The following TSBP1 variants were observed in gnomAD, a reference collection of about 807,000 sequenced individuals.
The protein encoded by TSBP1 is testis-expressed basic protein 1.
TSBP1 carries 56 observed loss-of-function variants against 68.8 expected under a neutral mutation model. That is an observed-to-expected ratio of 0.81 (90% CI 0.66 to 1.02). TSBP1 has a LOEUF of 1.02. Among genes scored for constraint, TSBP1 ranks in the 50% least tolerant of loss-of-function variants. TSBP1 has a pLI of 0.00. For missense variants in TSBP1, 502 were observed against 641.2 expected, an observed-to-expected ratio of 0.78 and a Z score of 2.34; for synonymous variants, 171 against 208.7, an observed-to-expected ratio of 0.82 and a Z score of 1.56.
rs923761998 is a variant in TSBP1 at position 32,292,847 on chromosome 6, C to T, written c.*134G>A. On this transcript the variant is annotated 3_prime_UTR_variant, in exon 23 of 23. Transcript: ENST00000612031. This position sits in a 1 kb window ranked among gnomAD's most constrained non-coding sequence, Gnocchi z 4.1. The stretch of plus-strand genomic sequence containing the variant: ...TAAAAAGGGTGAAACTTCTGAAGAG[C>T]AGAAACTGTGATATGAAGATGAAAG... The T allele has an allele frequency of 3.0e-5, 19 of 627,806 alleles. No homozygotes were observed. The African/African-American group carries it at 3.3e-4, about 11-fold the overall frequency. 38.9% of individuals were successfully genotyped at this position (627,806 alleles called of 1,614,324 possible). A position where few individuals can be genotyped will look rare whatever the true frequency, so the allele number is the denominator to read the frequency against.
intron 18 of TSBP1, among the ~76,000 whole-genome samples, 198 bp downstream of exon 20, chr6:32,322,288 T>A (rs190626076): frequency 5.3e-4 from 81 of 152,312 alleles, no homozygotes; most frequent in African/African-American, 1.8e-3. Flanking sequence ...ATGTGTTACC[T>A]TGGAAGCTGA....
intron 22 of TSBP1, 131 bp from the exon 26 acceptor site, chr6:32,294,166 A>G (rs781060559): frequency 1.1e-6 from 1 of 946,868 alleles, no homozygotes; most frequent in South Asian, 1.4e-5. Flanking sequence ...ATCTCAAGTT[A>G]TCTAAAATGA....
intron 9 of TSBP1, among the ~76,000 whole-genome samples, chr6:32,342,050 CT>C (rs10689236): frequency 1.3e-3 from 152 of 120,276 alleles, no homozygotes; most frequent in African/African-American, 2.5e-3. Context: ...AAAATGTGTT[CT>C]TTTTTTTTTT....
intron 16 of TSBP1, among the ~76,000 whole-genome samples, chr6:32,327,654 C>CTTTTTTTTTCTTTCTTTCTTT (rs1768378185): frequency 1.4e-5 from 2 of 146,986 alleles, no homozygotes; most frequent in Admixed American, 1.4e-4. Context: ...TTTTCTTTTT[C>CTTTTTTTTTCTTTCTTTCTTT]TTTTTTTTTT....
intron 19 of TSBP1, among the ~76,000 whole-genome samples, chr6:32,303,916 T>A (rs1017057643): frequency 6.6e-6 from 1 of 152,198 alleles, no homozygotes; most frequent in Non-Finnish European, 1.5e-5. Context: ...TATTTCTACC[T>A]TTTATCTTTT....
chr6:32,320,245 A>G (rs1422240940), intron 18 of TSBP1: 1 of 456,312 alleles, frequency 2.2e-6, no homozygotes, highest in Non-Finnish European at 4.4e-6. Flanking sequence ...AGCTGTTTTG[A>G]CTTGGAATAT....
rs745730985 is a variant in TSBP1 at position 32,371,725 on chromosome 6, A to G, written c.-19T>C. On this transcript the variant is annotated 5_prime_UTR_variant, in exon 1 of 23. It removes an upstream start codon present in the reference 5' UTR. Coordinates refer to ENST00000612031, the Ensembl canonical transcript of TSBP1. ...CTGTCATTTTCCATGTATTGTCTTC[A>G]TCAGGTCTCGCATCATCTGGATTTC... 1.2e-5 allele frequency: 20 copies of G among 1,613,768 alleles called. No individual in the cohort carries two copies. The highest frequency in any genetic ancestry group is 1.5e-5 in the Non-Finnish European group (18 of 1,179,774).
chr6:32,319,083 C>T (rs549046414), intron 18 of TSBP1, among the ~76,000 whole-genome samples: 2 of 152,192 alleles, frequency 1.3e-5, no homozygotes, highest in South Asian at 4.1e-4. Context: ...GCATCTAGAA[C>T]CTAACATATG....
At chr6:32,362,008 G>A (rs1773078949) in intron 6 of TSBP1, among the ~76,000 whole-genome samples, 2 of 151,978 alleles carry the variant, frequency 1.3e-5, no homozygotes, top group South Asian at 2.1e-4. Flanking sequence ...GAAGAGGAAC[G>A]GGCCGGGCGC....
chr6:32,309,707 C>T (rs115171384), intron 19 of TSBP1, among the ~76,000 whole-genome samples: 6,005 of 152,240 alleles, frequency 0.039, 338 homozygotes, highest in African/African-American at 0.12. Context: ...TCAGGGTTAA[C>T]TGAATATCAC....
intron 18 of TSBP1, among the ~76,000 whole-genome samples, chr6:32,320,620 G>A (rs1767518510): frequency 1.3e-5 from 2 of 151,502 alleles, no homozygotes; most frequent in Admixed American, 1.3e-4. Flanking sequence ...TCTGCTCCTT[G>A]GAAATCTTAC....
chr6:32,343,212 AG>A lies in TSBP1; in HGVS notation c.350-3575del. On this transcript the variant is annotated intron_variant, in intron 9 of 22. Transcript: ENST00000612031. The surrounding 1 kb of genome is among the most constrained non-coding windows in gnomAD (Gnocchi z 4.3). ...TAGCATAGGAGCCCAACAACACCAG[AG>A]TTTGAAACAAGAAGATAAACTTACT... 2.2e-6 allele frequency: 3 copies of A among 1,359,194 alleles called. No homozygotes were observed. The highest frequency in any genetic ancestry group is 2.9e-6 in the Non-Finnish European group (3 of 1,040,440). 84.2% of individuals were successfully genotyped at this position (1,359,194 alleles called of 1,614,324 possible). A position where few individuals can be genotyped will look rare whatever the true frequency, so the allele number is the denominator to read the frequency against.
In TSBP1 at chr6:32,306,161, T is replaced by C. The variant is rs138801475; in HGVS notation, c.581-3532A>G. Reference sequence around the variant, plus strand: ...TTAGGACAATTTTAGAACACTAAGATAAAATGCAAAAACAGCAATCATGGA... The same window carrying C: ...TTAGGACAATTTTAGAACACTAAGACAAAATGCAAAAACAGCAATCATGGA... On this transcript the variant is annotated intron_variant, in intron 19 of 22. Coordinates refer to ENST00000612031, the Ensembl canonical transcript of TSBP1. This position sits in a 1 kb window ranked among gnomAD's most constrained non-coding sequence, Gnocchi z 5.1. Among the ~76,000 whole-genome samples, 140 of 152,294 alleles carry C rather than the reference T, an allele frequency of 9.2e-4. No homozygotes were observed. Among genetic ancestry groups the C allele is most frequent in the Middle Eastern group, 6.8e-3 (2 of 294 alleles).
In TSBP1 at chr6:32,325,597, G is replaced by A. The variant is rs1193773686; in HGVS notation, c.515-1983C>T. 1.3e-5 allele frequency: 12 copies of A among 924,182 alleles called. No homozygotes were observed. Among genetic ancestry groups the A allele is most frequent in the Non-Finnish European group, 1.9e-5 (11 of 566,950 alleles). The allele number at this position is 924,182 out of a possible 1,614,324, so 57.2% of individuals were successfully genotyped here. A position where few individuals can be genotyped will look rare whatever the true frequency, so the allele number is the denominator to read the frequency against. ...ATCACCTAAGAAATTATTTTGAGTA[G>A]TATGGAAAAATTGAAGTGATTGAAA... On this transcript the variant is annotated intron_variant, in intron 16 of 22. Transcript: ENST00000612031. This position sits in a 1 kb window ranked among gnomAD's most constrained non-coding sequence, Gnocchi z 4.4.
chr6:32,369,285 ATTTTTTTTTTTTAAAC>A (rs113553908), intron 2 of TSBP1, among the ~76,000 whole-genome samples: 20,388 of 141,076 alleles, frequency 0.14, 1,595 homozygotes, highest in Non-Finnish European at 0.18. Context: ...TCTCACTTCT[ATTTTTTTTTTTTAAAC>A]TCAGGTAATT....
In TSBP1 at chr6:32,315,145, CT is replaced by C. The variant is rs1372284712; in HGVS notation, c.580+626del. Among the ~76,000 whole-genome samples, 3 of 152,182 alleles carry C rather than the reference CT, an allele frequency of 2.0e-5. No homozygotes were observed. Among genetic ancestry groups the C allele is most frequent in the Non-Finnish European group, 4.4e-5 (3 of 68,038 alleles). On this transcript the variant is annotated intron_variant, in intron 19 of 22. Transcript: ENST00000612031. The surrounding 1 kb of genome is among the most constrained non-coding windows in gnomAD (Gnocchi z 5.4). Reference sequence around the variant, plus strand: ...AGAACCAGATTTGCATTTTGGAAAACTAGGACACAGTGTGAAAGGTGCTTTC... The same window carrying C: ...AGAACCAGATTTGCATTTTGGAAAACAGGACACAGTGTGAAAGGTGCTTTC...
rs1461406573 is a variant in TSBP1, at chr6:32,316,211, T to A, written c.560-419A>T. 6.6e-6 allele frequency among the ~76,000 whole-genome samples: 1 copy of A among 152,238 alleles called. No homozygotes were observed. The highest frequency in any genetic ancestry group is 2.4e-5 in the African/African-American group (1 of 41,462). On this transcript the variant is annotated intron_variant, in intron 18 of 22. Transcript: ENST00000612031. This position sits in a 1 kb window ranked among gnomAD's most constrained non-coding sequence, Gnocchi z 4.5. ...GTGTTATTTCATAATATTGTTCAGT[T>A]TATTACTGATGAATCCTAGCTTAGT...
chr6:32,294,167 T>G lies in TSBP1; in HGVS notation c.638-132A>C, dbSNP rs765660807. ...TAAAATTTTTCTGAATCTCAAGTTA[T>G]CTAAAATGATGGTTCTCTGTACATA... is the stretch of plus-strand genomic sequence containing the variant. On this transcript the variant is annotated intron_variant, in intron 22 of 22. Transcript: ENST00000612031. 6.4e-5 allele frequency: 61 copies of G among 948,762 alleles called. No individual in the cohort carries two copies. The Admixed American group carries it at 1.2e-3, about 18-fold the overall frequency. 58.8% of individuals were successfully genotyped at this position (948,762 alleles called of 1,614,324 possible). A position where few individuals can be genotyped will look rare whatever the true frequency, so the allele number is the denominator to read the frequency against.
At chr6:32,367,849 A>C in intron 4 of TSBP1, 76 bp downstream of exon 4, 2 of 1,090,914 alleles carry the variant, frequency 1.8e-6, no homozygotes, top group East Asian at 2.5e-5. Flanking sequence ...AATCATGCTC[A>C]AATGGAGATG....
Sources: gnomAD v4.1 joint callset for allele counts (sites outside exome capture counted in the v4.1 genomes callset) on GRCh38, gnomAD v4.1.1 for gene constraint, Gnocchi (gnomAD v3.1) non-coding constraint, MANE v1.5 for transcripts, NCBI Gene and HGNC (gene_info 2026-07-23, HGNC 2026-07-21) for gene names.